NEDD9: variants seen among roughly 807,000 people sequenced by gnomAD.
NEDD9 encodes enhancer of filamentation 1.
NEDD9 carries 26 observed loss-of-function variants against 76.6 expected under a neutral mutation model. The ratio of observed to expected loss-of-function variants is 0.34; its 90% confidence interval spans 0.25 to 0.47. NEDD9 has a LOEUF of 0.47. Ranked by LOEUF, NEDD9 falls within the 20% of genes least tolerant of loss-of-function variation. The pLI is 1.00. For missense variants in NEDD9, 937 were observed against 1,058.5 expected, an observed-to-expected ratio of 0.89 and a Z score of 1.59; for synonymous variants, 392 against 414.2, an observed-to-expected ratio of 0.95 and a Z score of 0.65.
At chr6:11,280,711 AC>A (rs1415106068) in intron 3 of NEDD9, among the ~76,000 whole-genome samples, 1 of 151,904 alleles carries the variant, frequency 6.6e-6, no homozygotes, top group Admixed American at 6.6e-5. Context: ...AATGGTCTTG[AC>A]TCCTGTTGGG....
At chr6:11,321,647 G>A (rs1003722162) in intron 2 of NEDD9, among the ~76,000 whole-genome samples, 4 of 152,136 alleles carry the variant, frequency 2.6e-5, no homozygotes, top group Non-Finnish European at 5.9e-5. Context: ...TGAGCCCTCT[G>A]AATATTATTA....
At position 11,370,685 on chromosome 6, in the gene NEDD9, A is replaced by G. The variant is rs1159894024; in HGVS notation, c.-214+11454T>C. ...ACCCGTCCCTCACGCTCACTGGATG[A>G]TCCACTCACTGGCTCACTCACTCGT... On this transcript the variant is annotated intron_variant, in intron 1 of 3. Coordinates refer to the NEDD9 transcript ENST00000397378. This position sits in a 1 kb window ranked among gnomAD's most constrained non-coding sequence, Gnocchi z 4.2. Among the ~76,000 whole-genome samples, 1 of 152,122 alleles carries G rather than the reference A, an allele frequency of 6.6e-6. No homozygotes were observed. Among genetic ancestry groups the G allele is most frequent in the African/African-American group, 2.4e-5 (1 of 41,416 alleles).
chr6:11,375,865 C>T (rs1334971582), intron 1 of NEDD9, among the ~76,000 whole-genome samples: 2 of 152,166 alleles, frequency 1.3e-5, no homozygotes, highest in Admixed American at 6.5e-5. Flanking sequence ...CACTCTATCA[C>T]TCAGGCTGGA....
intron 1 of NEDD9, among the ~76,000 whole-genome samples, chr6:11,354,450 A>C (rs1190926913): frequency 6.6e-6 from 1 of 152,162 alleles, no homozygotes; most frequent in African/African-American, 2.4e-5. Flanking sequence ...TAGAACTGAC[A>C]ATGGTGACCT....
intron 1 of NEDD9, among the ~76,000 whole-genome samples, chr6:11,372,943 A>G (rs73366871): frequency 0.015 from 2,273 of 152,350 alleles, 51 homozygotes; most frequent in African/African-American, 0.052. Flanking sequence ...TCTAAACAAC[A>G]TAAACCAATG....
chr6:11,187,994 C>G (rs1758019679), intron 6 of NEDD9, among the ~76,000 whole-genome samples: 1 of 152,120 alleles, frequency 6.6e-6, no homozygotes, highest in African/African-American at 2.4e-5. Context: ...GCAGGTTTAG[C>G]CTTTAAAAAA....
intron 3 of NEDD9, among the ~76,000 whole-genome samples, chr6:11,279,447 C>T (rs968065741): frequency 1.3e-5 from 2 of 152,218 alleles, no homozygotes; most frequent in African/African-American, 4.8e-5. Context: ...GGAAACGGTC[C>T]GCGGCACCGG....
chr6:11,302,881 T>C (rs1316742614), intron 3 of NEDD9, among the ~76,000 whole-genome samples: 1 of 152,176 alleles, frequency 6.6e-6, no homozygotes, highest in Non-Finnish European at 1.5e-5. Flanking sequence ...TAATAAGAGC[T>C]ATTTATGACA....
chr6:11,254,491 T>A (rs1400617280), intron 3 of NEDD9, among the ~76,000 whole-genome samples: 1 of 152,250 alleles, frequency 6.6e-6, no homozygotes, highest in Non-Finnish European at 1.5e-5. Flanking sequence ...TAAACTTTTA[T>A]TTCAATAATT....
intron 1 of NEDD9, among the ~76,000 whole-genome samples, chr6:11,375,698 C>T (rs1488111206): frequency 6.6e-6 from 1 of 152,194 alleles, no homozygotes; most frequent in African/African-American, 2.4e-5. Context: ...CTCTCTCTTG[C>T]CATGTCATAT....
rs370070541 is a variant in NEDD9, at chr6:11,279,670, G to A, written c.12+26322C>T. ...TGATGTTGTGATGTGAGGATGGCTC[G>A]CAGGATATCAAGGGTGGCTCAGGGC... On this transcript the variant is annotated intron_variant, in intron 3 of 3. Coordinates refer to the NEDD9 transcript ENST00000397378. Among the ~76,000 whole-genome samples the A allele has an allele frequency of 2.0e-5, 3 of 152,196 alleles. 1 individual carries two copies. Among genetic ancestry groups the A allele is most frequent in the African/African-American group, 7.2e-5 (3 of 41,524 alleles).
intron 1 of NEDD9, among the ~76,000 whole-genome samples, chr6:11,225,736 C>T (rs997415052): frequency 6.0e-5 from 9 of 150,832 alleles, no homozygotes; most frequent in African/African-American, 2.2e-4. Context: ...CTCCTGACCT[C>T]GTGATCCGCC....
At chr6:11,374,104 T>C (rs1347394499) in intron 1 of NEDD9, among the ~76,000 whole-genome samples, 1 of 152,048 alleles carries the variant, frequency 6.6e-6, no homozygotes, top group African/African-American at 2.4e-5. Context: ...ACACATTCCA[T>C]TGGTTCTGTT....
intron 5 of NEDD9, 48 bp downstream of exon 5, chr6:11,189,916 C>G: frequency 6.7e-7 from 1 of 1,498,106 alleles, no homozygotes; most frequent in South Asian, 1.4e-5. Flanking sequence ...TTCTCAGGCT[C>G]CCTGCATGTG....
chr6:11,355,872 C>CTGGT lies in NEDD9; in HGVS notation c.-213-21312_-213-21311insACCA, dbSNP rs770551683. 8.5e-4 allele frequency among the ~76,000 whole-genome samples: 129 copies of CTGGT among 151,442 alleles called. 1 individual carries two copies. The highest frequency in any genetic ancestry group is 1.2e-3 in the Non-Finnish European group (85 of 68,012). On this transcript the variant is annotated intron_variant, in intron 1 of 3. Transcript: ENST00000397378. ...AGTAGCTGGGACTACAGGCACCCGC[C>CTGGT]ACCACGCCCGGCTAATTTTTTGTAT... is the stretch of plus-strand genomic sequence containing the variant.
At chr6:11,337,498 G>A (rs1359890574) in intron 1 of NEDD9, among the ~76,000 whole-genome samples, 1 of 152,162 alleles carries the variant, frequency 6.6e-6, no homozygotes, top group African/African-American at 2.4e-5. Context: ...GTGATGTTAG[G>A]ATGGCTACAA....
chr6:11,183,496 C>T lies in NEDD9; in HGVS notation c.*1666G>A, dbSNP rs1167669307. ...CAAAGACACACTTTTTAACTTCAAG[C>T]GTTGTTGATTTTCAGCAACCCTCTT... On this transcript the variant is annotated 3_prime_UTR_variant, in exon 7 of 7. Transcript: ENST00000379446. 6.6e-6 allele frequency: 1 copy of T among 152,194 alleles called. No homozygotes were observed. Among genetic ancestry groups the T allele is most frequent in the Non-Finnish European group, 1.5e-5 (1 of 68,026 alleles). 9.4% of individuals were successfully genotyped at this position (152,194 alleles called of 1,614,324 possible).
intron 3 of NEDD9, among the ~76,000 whole-genome samples, chr6:11,253,132 G>C (rs928443707): frequency 6.6e-6 from 1 of 152,116 alleles, no homozygotes; most frequent in African/African-American, 2.4e-5. Context: ...ATCAGGGTAC[G>C]GTCAAAAGAA....
At chr6:11,255,624 T>G (rs1358928937) in intron 3 of NEDD9, among the ~76,000 whole-genome samples, 1 of 152,104 alleles carries the variant, frequency 6.6e-6, no homozygotes, top group Non-Finnish European at 1.5e-5. Context: ...TGGCGCATGG[T>G]GGGATGTTAG....
Sources: gnomAD v4.1 joint callset for allele counts (sites outside exome capture counted in the v4.1 genomes callset) on GRCh38, gnomAD v4.1.1 for gene constraint, Gnocchi (gnomAD v3.1) non-coding constraint, MANE v1.5 for transcripts, NCBI Gene and HGNC (gene_info 2026-07-23, HGNC 2026-07-21) for gene names.